The following TNFRSF19 variants were observed in gnomAD, a reference collection of about 807,000 sequenced individuals.
TNFRSF19 encodes tumor necrosis factor receptor superfamily member 19.
A neutral mutation model predicts 46.4 loss-of-function variants in TNFRSF19; 27 were observed. The ratio of observed to expected loss-of-function variants is 0.58; its 90% CI spans 0.43 to 0.80. The LOEUF (loss-of-function observed/expected upper bound fraction) is 0.80, where lower values mean the gene tolerates loss of function less well. Among genes scored for constraint, TNFRSF19 ranks in the 30% least tolerant of loss-of-function variants. TNFRSF19 has a pLI of 0.00. For synonymous variants in TNFRSF19, 204 were observed against 205.0 expected (o/e 1.00, Z 0.04); for missense variants, 511 against 530.8 (o/e 0.96, Z 0.37).
At position 23,670,800 on chromosome 13, in the gene TNFRSF19, A is replaced by G. The variant is rs112644549; in HGVS notation, c.1245+1703A>G. 9.8e-5 allele frequency among the ~76,000 whole-genome samples: 15 copies of G among 152,330 alleles called. No individual in the cohort carries two copies. In the South Asian group the frequency reaches 3.1e-3, roughly 32 times the overall value. On this transcript the variant is annotated intron_variant, in intron 9 of 9. Transcript: ENST00000248484. ...ACAGAGGGCTCAGCTGCCTCCCAGC[A>G]GCACTAAATGAGGGGCCCTCGCCAT...
At chr13:23,571,739 A>C (rs1047559361) in intron 1 of TNFRSF19, among the ~76,000 whole-genome samples, 17 of 152,222 alleles carry the variant, frequency 1.1e-4, no homozygotes, top group African/African-American at 3.8e-4. Context: ...CGAATTTGAA[A>C]GTTAACTGTT....
At chr13:23,656,138 G>C (rs1262529070) in intron 5 of TNFRSF19, among the ~76,000 whole-genome samples, 1 of 152,178 alleles carries the variant, frequency 6.6e-6, no homozygotes, top group Admixed American at 6.5e-5. Flanking sequence ...AGTAAAACTT[G>C]TATATTTTTC....
chr13:23,607,245 C>A (rs780429236), intron 3 of TNFRSF19, among the ~76,000 whole-genome samples: 2 of 152,056 alleles, frequency 1.3e-5, no homozygotes, highest in Non-Finnish European at 2.9e-5. Flanking sequence ...ACTAGCCTGG[C>A]CAACATGGTG....
At chr13:23,641,055 A>G (rs1566205476) in intron 5 of TNFRSF19, among the ~76,000 whole-genome samples, 1 of 152,244 alleles carries the variant, frequency 6.6e-6, no homozygotes, top group South Asian at 2.1e-4. Context: ...AGTTCGTTTA[A>G]TAAAAGATTC....
intron 9 of TNFRSF19, among the ~76,000 whole-genome samples, chr13:23,670,979 G>A (rs1295486869): frequency 6.6e-6 from 1 of 152,224 alleles, no homozygotes; most frequent in African/African-American, 2.4e-5. Context: ...AGTTTGTGAT[G>A]TCAATTGCCA....
intron 1 of TNFRSF19, among the ~76,000 whole-genome samples, chr13:23,578,930 TGAG>T (rs1240651394): frequency 1.3e-5 from 2 of 152,176 alleles, no homozygotes; most frequent in African/African-American, 4.8e-5. Flanking sequence ...CCCTGCCGGC[TGAG>T]GAGCCGAGGT....
At position 23,626,187 on chromosome 13, in the gene TNFRSF19, C is replaced by CTGTGTGTGTGTG. The variant is rs35509472; in HGVS notation, c.360-495_360-484dup. Among the ~76,000 whole-genome samples the CTGTGTGTGTGTG allele has an allele frequency of 7.3e-3, 1,066 of 145,534 alleles. 8 individuals carry two copies. Among genetic ancestry groups the CTGTGTGTGTGTG allele is most frequent in the African/African-American group, 0.017 (670 of 39,032 alleles). On this transcript the variant is annotated intron_variant, in intron 4 of 9. Coordinates refer to ENST00000248484, the MANE Select transcript of TNFRSF19 (RefSeq NM_148957.4). ...TTTGCCCTTCAGATTTCTTTAAAAT[C>CTGTGTGTGTGTG]TGTGTGTGTGTGTGTGTGTGTGTGT... is the stretch of plus-strand genomic sequence containing the variant.
intron 5 of TNFRSF19, among the ~76,000 whole-genome samples, chr13:23,632,989 T>A (rs1486107970): frequency 6.6e-6 from 1 of 152,176 alleles, no homozygotes; most frequent in Non-Finnish European, 1.5e-5. Context: ...GACCTTTTCA[T>A]CCTAATGACT....
intron 3 of TNFRSF19, among the ~76,000 whole-genome samples, chr13:23,608,930 C>T (rs1880701856): frequency 1.3e-5 from 2 of 152,170 alleles, no homozygotes; most frequent in African/African-American, 4.8e-5. Flanking sequence ...GCCACCAGTT[C>T]CCGACCCATC....
intron 5 of TNFRSF19, among the ~76,000 whole-genome samples, chr13:23,632,128 C>T (rs1797691743): frequency 2.6e-5 from 4 of 152,072 alleles, no homozygotes; most frequent in Non-Finnish European, 1.5e-5. Flanking sequence ...AAAGCCAGTG[C>T]CTAAAGGACT....
intron 3 of TNFRSF19, among the ~76,000 whole-genome samples, chr13:23,612,249 T>C (rs1880958467): frequency 6.6e-6 from 1 of 152,226 alleles, no homozygotes; most frequent in South Asian, 2.1e-4. Flanking sequence ...GTTTTCCCTC[T>C]TTCTTTTGTT....
intron 5 of TNFRSF19, among the ~76,000 whole-genome samples, chr13:23,649,948 G>A (rs180800186): frequency 9.1e-4 from 138 of 152,162 alleles, no homozygotes; most frequent in Non-Finnish European, 1.6e-3. Flanking sequence ...CAAACTTATG[G>A]ACACTTGTTT....
At chr13:23,673,262 C>T in intron 9 of TNFRSF19, 110 bp from the exon 10 acceptor site, 2 of 1,178,664 alleles carry the variant, frequency 1.7e-6, no homozygotes, top group South Asian at 3.7e-5. Flanking sequence ...TTATTATATC[C>T]ATGTATACTA....
chr13:23,622,057 C>T (rs1867143104), intron 4 of TNFRSF19, among the ~76,000 whole-genome samples: 1 of 152,106 alleles, frequency 6.6e-6, no homozygotes, highest in Admixed American at 6.5e-5. Context: ...CACACGGGAG[C>T]CCCACTCACC....
intron 5 of TNFRSF19, among the ~76,000 whole-genome samples, chr13:23,627,099 C>A (rs578105342): frequency 6.6e-6 from 1 of 152,130 alleles, no homozygotes; most frequent in Admixed American, 6.5e-5. Flanking sequence ...AATAACCAGG[C>A]GGCTCACATC....
chr13:23,596,477 CA>C (rs1387469147), intron 3 of TNFRSF19, among the ~76,000 whole-genome samples: 1 of 151,978 alleles, frequency 6.6e-6, no homozygotes, highest in Non-Finnish European at 1.5e-5. Context: ...TTTAAAGCAA[CA>C]AAGATTGCAA....
At chr13:23,579,427 C>CA (rs11451799) in intron 1 of TNFRSF19, 2 of 38,256 alleles carry the variant, frequency 5.2e-5, no homozygotes, top group African/African-American at 1.9e-4. Context: ...CTGGACTGGA[C>CA]CCCCATGCAA....
At chr13:23,595,197 C>T (rs1373986544) in intron 3 of TNFRSF19, among the ~76,000 whole-genome samples, 1 of 152,200 alleles carries the variant, frequency 6.6e-6, no homozygotes, top group East Asian at 1.9e-4. Flanking sequence ...CAGAACATCT[C>T]TTCTCCTCCA....
chr13:23,580,773 A>G (rs1468326922), intron 1 of TNFRSF19, among the ~76,000 whole-genome samples: 1 of 152,266 alleles, frequency 6.6e-6, no homozygotes, highest in Non-Finnish European at 1.5e-5. Flanking sequence ...CTGAAAGTAA[A>G]ACAAAACATA....
Sources: gnomAD v4.1 joint callset for allele counts (sites outside exome capture counted in the v4.1 genomes callset) on GRCh38, gnomAD v4.1.1 for gene constraint, MANE v1.5 for transcripts, NCBI Gene and HGNC (gene_info 2026-07-23, HGNC 2026-07-21) for gene names.